PARP11: variants seen among roughly 807,000 people sequenced by gnomAD.
PARP11 encodes protein mono-ADP-ribosyltransferase PARP11.
In PARP11, 31 loss-of-function variants were observed where a neutral mutation model predicts 42.9. The observed-to-expected ratio is 0.72, with a 90% CI of 0.54 to 0.98. The LOEUF is 0.98. PARP11 is among the 50% of genes least tolerant of loss of function. The pLI is 0.00. For synonymous variants in PARP11, 137 were observed against 127.3 expected, an observed-to-expected ratio of 1.08 and a Z score of -0.51; for missense variants, 365 against 413.1, an observed-to-expected ratio of 0.88 and a Z score of 1.01.
intron 1 of PARP11, among the ~76,000 whole-genome samples, chr12:3,846,272 T>G (rs79922552): frequency 6.8e-6 from 1 of 147,252 alleles, no homozygotes; most frequent in Non-Finnish European, 1.5e-5. Context: ...TGTGCATATA[T>G]TTAAAAAAAA....
In PARP11 at chr12:3,812,173, C is replaced by T; in HGVS notation, c.967G>A (p.Val323Ile). The change falls in exon 8 of 8, where the codon GTT (valine) becomes ATT (isoleucine). Residue 323 changes from valine to isoleucine, a missense_variant. Val to Ile is a conservative substitution (Grantham distance 29). Transcript: ENST00000228820. The part of the protein sequence containing the change: ...DDTWNPKIFV[V>I]FDANQIYPEY... ...GGATAGATTTGGTTGGCATCAAAAACCACAAAGATCTTTGGGTTCCAGGTA... is the reference window on the plus strand; with the variant it reads ...GGATAGATTTGGTTGGCATCAAAAATCACAAAGATCTTTGGGTTCCAGGTA... 1 of 1,613,932 alleles carries T rather than the reference C, an allele frequency of 6.2e-7. No individual in the cohort carries two copies. Among genetic ancestry groups the T allele is most frequent in the Non-Finnish European group, 8.5e-7 (1 of 1,179,984 alleles).
chr12:3,869,255 G>A (rs900397152), intron 1 of PARP11, among the ~76,000 whole-genome samples: 12 of 152,132 alleles, frequency 7.9e-5, no homozygotes, highest in Non-Finnish European at 1.6e-4. Context: ...CAGATTCTGG[G>A]TATTAATATG....
chr12:3,841,274 T>A lies in PARP11; in HGVS notation c.19-11256A>T, dbSNP rs572415717. 6 of 1,326,126 alleles carry A rather than the reference T, an allele frequency of 4.5e-6. No individual in the cohort carries two copies. In the African/African-American group the frequency reaches 8.6e-5, roughly 19 times the overall value. 82.1% of individuals were successfully genotyped at this position (1,326,126 alleles called of 1,614,324 possible). ...CCTAAAGATAAGAATATTCTTCGATTCTTCTTCAATCTTGGTGTGAAGGCA... is the reference window on the plus strand; with the variant it reads ...CCTAAAGATAAGAATATTCTTCGATACTTCTTCAATCTTGGTGTGAAGGCA... On this transcript the variant is annotated intron_variant, in intron 1 of 7. Transcript: ENST00000228820.
At chr12:3,870,201 C>T (rs535371142) in intron 1 of PARP11, among the ~76,000 whole-genome samples, 73 of 152,238 alleles carry the variant, frequency 4.8e-4, no homozygotes, top group African/African-American at 1.7e-3. Context: ...GAAACCCACA[C>T]GTAGAATGTT....
At position 3,840,906 on chromosome 12, in the gene PARP11, T is replaced by G; in HGVS notation, c.19-10888A>C. 6.2e-7 allele frequency: 1 copy of G among 1,602,488 alleles called. No homozygotes were observed. The highest frequency in any genetic ancestry group is 8.6e-7 in the Non-Finnish European group (1 of 1,169,384). On this transcript the variant is annotated intron_variant, in intron 1 of 7. Transcript: ENST00000228820. The surrounding 1 kb of genome is among the most constrained non-coding windows in gnomAD (Gnocchi z 4.4). Reference sequence around the variant, plus strand: ...CAAATCCAGCTCCCCTTCTAGTTTCTCCAGAGGTACATCTAACTCCTGCAG... The same window carrying G: ...CAAATCCAGCTCCCCTTCTAGTTTCGCCAGAGGTACATCTAACTCCTGCAG...
chr12:3,825,976 G>A lies in PARP11; in HGVS notation c.344+182C>T, dbSNP rs531731435. 4.6e-5 allele frequency among the ~76,000 whole-genome samples: 7 copies of A among 151,700 alleles called. No homozygotes were observed. In the South Asian group the frequency reaches 6.2e-4, roughly 13 times the overall value. ...CGATCTCCTGACTCGTGATCAGGCC[G>A]CCTCGGCCTCCCAAAGTGCTGGGAT... On this transcript the variant is annotated intron_variant, in intron 4 of 7. Transcript: ENST00000228820.
rs1241792495 is a variant in PARP11 at position 3,808,909 on chromosome 12, A to C, written c.*3214T>G. 6.6e-6 allele frequency: 1 copy of C among 152,254 alleles called. No homozygotes were observed. Among genetic ancestry groups the C allele is most frequent in the African/African-American group, 2.4e-5 (1 of 41,458 alleles). 9.4% of individuals were successfully genotyped at this position (152,254 alleles called of 1,614,324 possible). On this transcript the variant is annotated 3_prime_UTR_variant, in exon 8 of 8. Coordinates refer to ENST00000228820, the MANE Select transcript of PARP11 (RefSeq NM_020367.6). ...CATCACATGTAAAAGCAATACATTCATATATCAAAATTGGCTCCAAATTCT... is the reference window on the plus strand; with the variant it reads ...CATCACATGTAAAAGCAATACATTCCTATATCAAAATTGGCTCCAAATTCT...
chr12:3,812,501 A>C, intron 7 of PARP11, 62 bp from the exon 8 acceptor site: 1 of 1,264,782 alleles, frequency 7.9e-7, no homozygotes, highest in Non-Finnish European at 1.1e-6. Context: ...AAAACAAGCA[A>C]AAACATTTTG....
chr12:3,812,554 T>C (rs1947203884), intron 7 of PARP11, 115 bp from the exon 8 acceptor site: 2 of 721,024 alleles, frequency 2.8e-6, no homozygotes, highest in South Asian at 3.8e-5. Flanking sequence ...AAAATAGATG[T>C]GGAATTTCCT....
chr12:3,851,901 C>T (rs538533670), intron 1 of PARP11, among the ~76,000 whole-genome samples: 7 of 152,282 alleles, frequency 4.6e-5, no homozygotes, highest in East Asian at 1.9e-4. Context: ...CCCTCTGAGA[C>T]GAAGCTTCCT....
chr12:3,842,091 G>T, intron 1 of PARP11: 1 of 1,606,220 alleles, frequency 6.2e-7, no homozygotes, highest in Non-Finnish European at 8.5e-7. Context: ...GAGAGAGAGA[G>T]AAATTGTGCC....
At chr12:3,859,769 C>T (rs1948264986) in intron 1 of PARP11, among the ~76,000 whole-genome samples, 1 of 151,992 alleles carries the variant, frequency 6.6e-6, no homozygotes. Context: ...AAATACCATG[C>T]AAACAACAGT....
At chr12:3,822,217 C>T (rs1343186003) in intron 4 of PARP11, 60 bp from the exon 5 acceptor site, 8 of 1,239,434 alleles carry the variant, frequency 6.5e-6, no homozygotes, top group Non-Finnish European at 9.4e-6. Context: ...CTGTCAAGAA[C>T]TTAGCCCTTC....
At chr12:3,857,105 C>A (rs1324563756) in intron 1 of PARP11, among the ~76,000 whole-genome samples, 2 of 149,102 alleles carry the variant, frequency 1.3e-5, no homozygotes, top group African/African-American at 2.5e-5. Flanking sequence ...GGGCAGGGAA[C>A]ATCACACACC....
At chr12:3,839,544 G>C in intron 1 of PARP11, 1 of 1,539,816 alleles carries the variant, frequency 6.5e-7, no homozygotes, top group East Asian at 2.2e-5. Context: ...AATTTGAAGC[G>C]ATTATAGGAG....
At chr12:3,851,522 G>A (rs149765424) in intron 1 of PARP11, among the ~76,000 whole-genome samples, 3,571 of 152,328 alleles carry the variant, frequency 0.023, 78 homozygotes, top group Non-Finnish European at 0.032. Context: ...GCAGCAGTCC[G>A]AGATCAAACT....
chr12:3,822,320 C>T (rs1359677593), intron 4 of PARP11, among the ~76,000 whole-genome samples, 163 bp from the exon 5 acceptor site: 1 of 152,000 alleles, frequency 6.6e-6, no homozygotes, highest in African/African-American at 2.4e-5. Context: ...GACTGTCGGC[C>T]GGGCGCGGTG....
intron 1 of PARP11, among the ~76,000 whole-genome samples, chr12:3,862,469 AT>A (rs912009787): frequency 1.3e-5 from 2 of 150,326 alleles, no homozygotes; most frequent in South Asian, 2.1e-4. Flanking sequence ...AAATATATGT[AT>A]TTTTTTTTCT....
chr12:3,824,581 C>G, intron 4 of PARP11: 1 of 945,078 alleles, frequency 1.1e-6, no homozygotes, highest in Non-Finnish European at 1.3e-6. Flanking sequence ...TGTATCTTAC[C>G]TAAACAGTCC....
Sources: gnomAD v4.1 joint callset for allele counts (sites outside exome capture counted in the v4.1 genomes callset) on GRCh38, gnomAD v4.1.1 for gene constraint, Gnocchi (gnomAD v3.1) non-coding constraint, MANE v1.5 for transcripts, NCBI Gene and HGNC (gene_info 2026-07-23, HGNC 2026-07-21) for gene names.